Variants in GPC6 observed in about 807,000 individuals in gnomAD.
GPC6 encodes the protein glypican 6.
A neutral mutation model predicts 55.2 loss-of-function variants in GPC6; 14 were observed. The ratio of observed to expected loss-of-function variants is 0.25; its 90% CI spans 0.17 to 0.40. The LOEUF (loss-of-function observed/expected upper bound fraction) is 0.40, where lower values mean the gene tolerates loss of function less well. Among genes scored for constraint, GPC6 ranks in the 10% least tolerant of loss-of-function variants. GPC6 has a pLI of 1.00. For synonymous variants in GPC6, 278 were observed against 259.6 expected (o/e 1.07, Z -0.68); for missense variants, 641 against 708.5 (o/e 0.90, Z 1.08).
chr13:93,941,306 A>AT (rs1053878173), intron 3 of GPC6, among the ~76,000 whole-genome samples: 2 of 152,250 alleles, frequency 1.3e-5, no homozygotes, highest in African/African-American at 4.8e-5. Flanking sequence ...GATGCAGCAG[A>AT]TTTTTTTTCT....
At position 93,545,547 on chromosome 13, in the gene GPC6, G is replaced by A. The variant is rs897467626; in HGVS notation, c.319+126G>A. ...ATCCCTCTTAAATATTTATAGCATTGTCTATTTTTAGAAAAAGCATGAGTT... is the reference window on the plus strand; with the variant it reads ...ATCCCTCTTAAATATTTATAGCATTATCTATTTTTAGAAAAAGCATGAGTT... On this transcript the variant is annotated intron_variant, in intron 2 of 8. Transcript: ENST00000377047. The A allele has an allele frequency of 8.9e-5, 71 of 801,978 alleles. 1 individual carries two copies. Among genetic ancestry groups the A allele is most frequent in the Non-Finnish European group, 1.2e-4 (59 of 482,640 alleles). 49.7% of individuals were successfully genotyped at this position (801,978 alleles called of 1,614,324 possible). A position where few individuals can be genotyped will look rare whatever the true frequency, so the allele number is the denominator to read the frequency against.
At chr13:93,967,870 C>T (rs1418547519) in intron 3 of GPC6, among the ~76,000 whole-genome samples, 3 of 152,262 alleles carry the variant, frequency 2.0e-5, no homozygotes, top group African/African-American at 4.8e-5. Flanking sequence ...TCAGAGACTA[C>T]ACACATTGTA....
intron 3 of GPC6, among the ~76,000 whole-genome samples, chr13:93,931,027 C>T (rs185520083): frequency 1.7e-4 from 26 of 152,160 alleles, no homozygotes; most frequent in African/African-American, 4.8e-4. Context: ...CAAGCGCTCA[C>T]TCACTATCAC....
At chr13:94,229,801 C>A (rs1275787623) in intron 4 of GPC6, among the ~76,000 whole-genome samples, 1 of 152,192 alleles carries the variant, frequency 6.6e-6, no homozygotes, top group Non-Finnish European at 1.5e-5. Context: ...ATGACAGTAA[C>A]TCACAAACAG....
intron 1 of GPC6, among the ~76,000 whole-genome samples, chr13:93,318,817 T>C (rs1879331444): frequency 6.6e-6 from 1 of 152,122 alleles, no homozygotes; most frequent in Non-Finnish European, 1.5e-5. Flanking sequence ...AAAGTCTAAG[T>C]AGGGTATGTT....
intron 4 of GPC6, among the ~76,000 whole-genome samples, chr13:94,111,050 C>A (rs1886227228): frequency 6.6e-6 from 1 of 152,096 alleles, no homozygotes; most frequent in South Asian, 2.1e-4. Flanking sequence ...CTAACAGCAT[C>A]TAATTAGATA....
intron 4 of GPC6, among the ~76,000 whole-genome samples, chr13:94,181,928 T>C (rs1448878061): frequency 6.6e-6 from 1 of 152,204 alleles, no homozygotes; most frequent in Non-Finnish European, 1.5e-5. Context: ...ACATAGTTCT[T>C]ACTTTTCTGA....
chr13:93,579,988 A>G (rs1876859232), intron 2 of GPC6, among the ~76,000 whole-genome samples: 1 of 152,186 alleles, frequency 6.6e-6, no homozygotes, highest in South Asian at 2.1e-4. Flanking sequence ...CAGAAGTAAA[A>G]TGTACTCTGC....
intron 3 of GPC6, among the ~76,000 whole-genome samples, chr13:93,905,565 A>G (rs1014132523): frequency 2.6e-5 from 4 of 152,228 alleles, no homozygotes; most frequent in Non-Finnish European, 5.9e-5. Flanking sequence ...ACTTGCATCT[A>G]TCTGATTCTG....
chr13:93,471,657 G>A (rs950285034), intron 1 of GPC6, among the ~76,000 whole-genome samples: 3 of 151,846 alleles, frequency 2.0e-5, no homozygotes, highest in Non-Finnish European at 4.4e-5. Flanking sequence ...TTAGAAGTGT[G>A]TTGTTAGTTT....
At chr13:93,840,079 A>G (rs1291888163) in intron 3 of GPC6, among the ~76,000 whole-genome samples, 2 of 152,156 alleles carry the variant, frequency 1.3e-5, no homozygotes, top group Admixed American at 6.6e-5. Context: ...GAATTCTGCT[A>G]TGAATCTGTC....
In GPC6 at chr13:94,407,363, T is replaced by G. The variant is rs1320218202; in HGVS notation, c.*4146T>G. The G allele has an allele frequency of 6.6e-6, 1 of 152,170 alleles. No homozygotes were observed. The highest frequency in any genetic ancestry group is 1.9e-4 in the East Asian group (1 of 5,200). 9.4% of individuals were successfully genotyped at this position (152,170 alleles called of 1,614,324 possible). On this transcript the variant is annotated 3_prime_UTR_variant, in exon 9 of 9. Coordinates refer to ENST00000377047, the MANE Select transcript of GPC6 (RefSeq NM_005708.5). ...TTCATTTCTGATTTGGATAGAAAAT[T>G]GCTATTAATCTTGTATTAAAATAGT...
chr13:93,381,312 C>A (rs1387082685), intron 1 of GPC6, among the ~76,000 whole-genome samples: 1 of 151,944 alleles, frequency 6.6e-6, no homozygotes, highest in Admixed American at 6.6e-5. Flanking sequence ...TTGCTCAAGG[C>A]AAAATCTTTA....
At chr13:93,886,032 A>G (rs893307561) in intron 3 of GPC6, among the ~76,000 whole-genome samples, 15 of 152,102 alleles carry the variant, frequency 9.9e-5, no homozygotes, top group Admixed American at 6.6e-5. Context: ...CAGTTATTTT[A>G]ATTTGAATGT....
intron 3 of GPC6, among the ~76,000 whole-genome samples, chr13:93,838,294 T>C (rs61244903): frequency 0.15 from 22,119 of 152,024 alleles, 3,066 homozygotes; most frequent in African/African-American, 0.35. Context: ...TATGAACCAA[T>C]GGAAATACAT....
intron 1 of GPC6, among the ~76,000 whole-genome samples, chr13:93,434,073 C>T (rs7331910): frequency 0.017 from 2,664 of 152,280 alleles, 84 homozygotes; most frequent in African/African-American, 0.061. Flanking sequence ...GCATATTCCT[C>T]TTCTTCTCTG....
chr13:94,094,299 A>T (rs1309304892), intron 4 of GPC6, among the ~76,000 whole-genome samples: 1 of 152,146 alleles, frequency 6.6e-6, no homozygotes, highest in Non-Finnish European at 1.5e-5. Context: ...TAATAGTTTG[A>T]AAGCTTAATC....
chr13:93,320,251 A>G (rs1879389013), intron 1 of GPC6, among the ~76,000 whole-genome samples: 1 of 152,182 alleles, frequency 6.6e-6, no homozygotes, highest in Admixed American at 6.6e-5. Flanking sequence ...TATTTGTTCC[A>G]GAATAACTGA....
intron 2 of GPC6, among the ~76,000 whole-genome samples, chr13:93,590,947 T>A (rs1277206142): frequency 6.6e-6 from 1 of 151,888 alleles, no homozygotes; most frequent in Non-Finnish European, 1.5e-5. Context: ...GTAACTAACC[T>A]GCACAATGTG....
Sources: gnomAD v4.1 joint callset for allele counts (sites outside exome capture counted in the v4.1 genomes callset) on GRCh38, gnomAD v4.1.1 for gene constraint, MANE v1.5 for transcripts, NCBI Gene and HGNC (gene_info 2026-07-23, HGNC 2026-07-21) for gene names.